The following FGF17 variants were observed in gnomAD, a reference collection of about 807,000 sequenced individuals.
FGF17 encodes fibroblast growth factor 17.
A neutral mutation model predicts 23.5 loss-of-function variants in FGF17; 5 were observed. The ratio of observed to expected loss-of-function variants is 0.21; its 90% confidence interval spans 0.11 to 0.45. The LOEUF (loss-of-function observed/expected upper bound fraction) is 0.45, where lower values mean the gene tolerates loss of function less well. FGF17 is among the 20% of genes least tolerant of loss of function. FGF17 has a pLI of 0.99. For missense variants in FGF17, 221 were observed against 306.9 expected, an observed-to-expected ratio of 0.72 and a Z score of 2.09; for synonymous variants, 136 against 123.0, an observed-to-expected ratio of 1.11 and a Z score of -0.70.
chr8:22,040,325 C>T (rs1047249851), upstream of FGF17, among the ~76,000 whole-genome samples: 6 of 152,208 alleles, frequency 3.9e-5, no homozygotes, highest in African/African-American at 9.7e-5. Context: ...GGTCACACAG[C>T]GTATAAGGAC....
chr8:22,042,715 A>C, upstream of FGF17: 20 of 594,370 alleles, frequency 3.4e-5, no homozygotes, highest in Admixed American at 5.7e-5. Flanking sequence ...GAAGGTGGAC[A>C]CCTCATACCT....
chr8:22,041,180 G>T (rs1800731249), upstream of FGF17, among the ~76,000 whole-genome samples: 2 of 152,140 alleles, frequency 1.3e-5, no homozygotes, highest in African/African-American at 4.8e-5. Flanking sequence ...CAAGGCCAGG[G>T]CTTGCCCCAT....
chr8:22,046,754 C>G (rs182343990), intron 4 of FGF17, 121 bp downstream of exon 4: 1 of 683,658 alleles, frequency 1.5e-6, no homozygotes, highest in Non-Finnish European at 2.5e-6. Flanking sequence ...ACTTCCCATC[C>G]TACTCTCAGC....
rs375504582 is a variant in FGF17, at chr8:22,046,278, C to T, written c.237C>T (p.Asp79=). The T allele has an allele frequency of 2.4e-5, 39 of 1,613,344 alleles. No homozygotes were observed. The highest frequency in any genetic ancestry group is 4.5e-5 in the East Asian group (2 of 44,888). The change falls in exon 3 of 5, where the codon GAC becomes GAT. Residue 79 remains aspartate, a synonymous_variant. Transcript: ENST00000359441. ...GTCGCATCTCCGCCACCGCCGAGGA[C>T]GGCAACAAGTTTGGTGAGAGTTGGC... ...TGRRISATAE[D]GNKFAKLIVE... is the part of the protein sequence containing the mutation.
chr8:22,041,981 G>A (rs574439102), upstream of FGF17, among the ~76,000 whole-genome samples: 12 of 152,328 alleles, frequency 7.9e-5, no homozygotes, highest in Non-Finnish European at 1.6e-4. Flanking sequence ...GAAGGAAGGG[G>A]ATGCAGAATG....
rs1800881384 is a variant in FGF17 at position 22,046,870 on chromosome 8, T to G, written c.357+237T>G. ...ATCATAGCCCACTGCAGCTTTGTAC[T>G]CCTGGGCTCAAGCAATCCTCTCGCC... On this transcript the variant is annotated intron_variant, in intron 4 of 4. Coordinates refer to ENST00000359441, the MANE Select transcript of FGF17 (RefSeq NM_003867.4). Among the ~76,000 whole-genome samples the G allele has an allele frequency of 2.6e-5, 4 of 151,938 alleles. No individual in the cohort carries two copies. The South Asian group carries it at 8.3e-4, about 31-fold the overall frequency.
intron 4 of FGF17, among the ~76,000 whole-genome samples, chr8:22,047,586 G>T (rs1444648354): frequency 6.6e-6 from 1 of 152,196 alleles, no homozygotes; most frequent in Non-Finnish European, 1.5e-5. Flanking sequence ...CTCATTGGAG[G>T]CTGCTGCCTC....
chr8:22,043,088 G>T, intron 1 of FGF17, 57 bp from the exon 2 acceptor site: 1 of 1,606,484 alleles, frequency 6.2e-7, no homozygotes, highest in Admixed American at 1.7e-5. Flanking sequence ...GGGCCTGGGT[G>T]CACCCTAGGC....
intron 4 of FGF17, among the ~76,000 whole-genome samples, chr8:22,047,234 G>A (rs3176298): frequency 0.023 from 3,534 of 152,220 alleles, 48 homozygotes; most frequent in Middle Eastern, 0.037. Context: ...TGCAGCCTCT[G>A]GGTGGAGGAC....
intron 4 of FGF17, among the ~76,000 whole-genome samples, chr8:22,046,892 C>T (rs750792164): frequency 3.9e-5 from 6 of 152,042 alleles, no homozygotes; most frequent in South Asian, 2.1e-4. Context: ...GCAATCCTCT[C>T]GCCTCAGCCT....
At chr8:22,042,138 G>C (rs993732371), upstream of FGF17, among the ~76,000 whole-genome samples, 3 of 152,222 alleles carry the variant, frequency 2.0e-5, no homozygotes, top group African/African-American at 7.2e-5. Flanking sequence ...CTTAGGCCAG[G>C]ACACCCAGCT....
chr8:22,041,094 G>C (rs146056156), upstream of FGF17, among the ~76,000 whole-genome samples: 93 of 152,286 alleles, frequency 6.1e-4, 1 homozygote, highest in East Asian at 0.013. Flanking sequence ...TGGAACAAAT[G>C]ATGAATCCCT....
At chr8:22,046,950 A>ATTTTTTTTTTTTTTTTT (rs3038873) in intron 4 of FGF17, among the ~76,000 whole-genome samples, 1 of 120,576 alleles carries the variant, frequency 8.3e-6, no homozygotes, top group African/African-American at 3.2e-5. Context: ...TGCCCAGCTA[A>ATTTTTTTTTTTTTTTTT]TTTTTTTTTT....
intron 4 of FGF17, among the ~76,000 whole-genome samples, 171 bp downstream of exon 4, chr8:22,046,804 C>T (rs556208238): frequency 8.5e-5 from 13 of 152,188 alleles, no homozygotes; most frequent in South Asian, 2.1e-4. Context: ...TTTTAGAGTC[C>T]GGGTCTTGCT....
At chr8:22,046,358 C>T (rs774505557) in intron 3 of FGF17, 67 bp downstream of exon 3, 8 of 1,557,714 alleles carry the variant, frequency 5.1e-6, no homozygotes, top group Non-Finnish European at 7.0e-6. Context: ...CCTGCCTCAC[C>T]TCCTGGTCCA....
upstream of FGF17, among the ~76,000 whole-genome samples, chr8:22,039,746 A>G (rs1183315696): frequency 6.6e-6 from 1 of 152,134 alleles, no homozygotes; most frequent in Non-Finnish European, 1.5e-5. Flanking sequence ...AAAAATTTGC[A>G]AAGGTGAGGG....
chr8:22,047,866 C>G, intron 4 of FGF17, 90 bp from the exon 5 acceptor site: 3 of 1,335,898 alleles, frequency 2.2e-6, no homozygotes, highest in South Asian at 2.9e-5. Flanking sequence ...CCCGTTGTCC[C>G]TCCTCAGTCG....
chr8:22,045,572 C>G, intron 2 of FGF17: 1 of 1,000,858 alleles, frequency 1.0e-6, no homozygotes, highest in Non-Finnish European at 1.2e-6. Flanking sequence ...TTCAGAGTCC[C>G]CCACATGCTC....
chr8:22,043,202 G>T (rs374293819), intron 2 of FGF17, 21 bp downstream of exon 2: 87 of 1,612,132 alleles, frequency 5.4e-5, no homozygotes, highest in Non-Finnish European at 6.8e-6. Flanking sequence ...ATTCCCACCG[G>T]CTTTCCCCCA....
Sources: allele counts gnomAD v4.1 joint callset (sites outside exome capture counted in the v4.1 genomes callset), GRCh38; gene constraint gnomAD v4.1.1; transcripts MANE v1.5; gene names NCBI Gene and HGNC (gene_info 2026-07-23, HGNC 2026-07-21).